PRELID2: variants seen among roughly 807,000 people sequenced by gnomAD.
PRELID2 encodes the protein PRELI domain containing 2.
PRELID2 carries 25 observed loss-of-function variants against 28.4 expected under a neutral mutation model. That is an observed-to-expected ratio of 0.88 (90% CI 0.64 to 1.23). PRELID2 has a LOEUF of 1.23. PRELID2 is among the 50% of genes most tolerant of loss of function. The pLI, the probability that PRELID2 is intolerant of heterozygous loss-of-function variation, is 0.00. For missense variants in PRELID2, 201 were observed against 214.4 expected (o/e 0.94, Z 0.39); for synonymous variants, 76 against 71.6 (o/e 1.06, Z -0.31).
intron 1 of PRELID2, among the ~76,000 whole-genome samples, chr5:145,639,684 G>C (rs932279801): frequency 6.6e-6 from 1 of 152,134 alleles, no homozygotes. Flanking sequence ...CCAATGTTGG[G>C]AAAGTGCGTT....
the PRELID2 span, among the ~76,000 whole-genome samples, chr5:145,434,324 G>A: frequency 1.3e-5 from 2 of 152,208 alleles, no homozygotes; most frequent in African/African-American, 4.8e-5. Context: ...CAATCCATGA[G>A]TATTCATTGA....
At chr5:145,726,385 C>T (rs960622380) in intron 1 of PRELID2, among the ~76,000 whole-genome samples, 1 of 152,098 alleles carries the variant, frequency 6.6e-6, no homozygotes, top group Non-Finnish European at 1.5e-5. Flanking sequence ...CAAGTAAATA[C>T]TCTAAGCAAA....
chr5:145,528,726 CAGAGAGAGAG>C (rs1035893212), intron 1 of PRELID2, among the ~76,000 whole-genome samples: 101 of 53,662 alleles, frequency 1.9e-3, no homozygotes, highest in African/African-American at 6.3e-3. Context: ...CACACACACA[CAGAGAGAGAG>C]AGAGAGAGAG....
chr5:145,266,402 A>T, the PRELID2 span, among the ~76,000 whole-genome samples: 1 of 152,120 alleles, frequency 6.6e-6, no homozygotes, highest in Non-Finnish European at 1.5e-5. Context: ...CAATTCTCAA[A>T]GAAGATATAC....
intron 1 of PRELID2, among the ~76,000 whole-genome samples, chr5:145,692,467 T>C (rs938677187): frequency 1.3e-5 from 2 of 152,126 alleles, no homozygotes; most frequent in African/African-American, 4.8e-5. Context: ...GCTGGAGCCT[T>C]TCTCCAGGAA....
intron 1 of PRELID2, among the ~76,000 whole-genome samples, chr5:145,581,533 TA>T (rs533445020): frequency 6.6e-4 from 101 of 152,222 alleles, no homozygotes; most frequent in African/African-American, 2.4e-3. Context: ...CACAACTGGA[TA>T]CTTGGTGCCT....
chr5:145,509,876 T>C (rs1752445768), intron 1 of PRELID2, among the ~76,000 whole-genome samples: 1 of 152,124 alleles, frequency 6.6e-6, no homozygotes, highest in African/African-American at 2.4e-5. Flanking sequence ...GGAGATAATA[T>C]CTAACCCTTA....
At chr5:145,773,922 T>G (rs912499190) in intron 5 of PRELID2, among the ~76,000 whole-genome samples, 20 of 152,258 alleles carry the variant, frequency 1.3e-4, no homozygotes, top group African/African-American at 4.6e-4. Context: ...CAGATAATTC[T>G]GCTTTTATCT....
chr5:145,803,552 C>T (rs974969506), intron 4 of PRELID2, among the ~76,000 whole-genome samples: 2 of 152,088 alleles, frequency 1.3e-5, no homozygotes, highest in African/African-American at 4.8e-5. Context: ...GTGAAGTTCG[C>T]TCTTCTCTAA....
Position 145,800,554 on chromosome 5 carries a change from C to T in PRELID2, c.369-4007G>A, listed in dbSNP as rs190458389. ...GTCTCACACTCTTGGGAGAGATGAA[C>T]TCTTCAGTCCTCAGTCCTGAAGGCA... On this transcript the variant is annotated intron_variant, in intron 4 of 6. Transcript: ENST00000683046. Among the ~76,000 whole-genome samples the T allele has an allele frequency of 2.4e-3, 362 of 152,278 alleles. 1 individual carries two copies. Among genetic ancestry groups the T allele is most frequent in the African/African-American group, 7.5e-3 (312 of 41,556 alleles).
At chr5:145,484,636 C>A (rs1219504558) in intron 1 of PRELID2, among the ~76,000 whole-genome samples, 2 of 152,182 alleles carry the variant, frequency 1.3e-5, no homozygotes, top group African/African-American at 2.4e-5. Context: ...GACACTTCTA[C>A]CTTTCTTCAC....
At position 145,835,201 on chromosome 5, in the gene PRELID2, C is replaced by G. The variant is rs371461902; in HGVS notation, c.51G>C (p.Gln17His). The G allele has an allele frequency of 5.8e-5, 90 of 1,550,350 alleles. No individual in the cohort carries two copies. Among genetic ancestry groups the G allele is most frequent in the Non-Finnish European group, 7.8e-5 (89 of 1,146,380 alleles). The part of the protein sequence containing the change: ...VHQVYKYPFE[Q>H]VVASFLRKYP... The stretch of plus-strand genomic sequence containing the variant: ...CCTTTCGGAGAAAGCTGGCGACCAC[C>G]TGCTCGAAGGGGTACTTGTACACCT... Residue 17 changes from glutamine to histidine, a missense_variant, in exon 1 of 7, where the codon CAG (glutamine) becomes CAC (histidine). Coordinates refer to ENST00000683046, the MANE Select transcript of PRELID2 (RefSeq NM_205846.3).
At chr5:145,517,323 G>T (rs1404948461) in intron 1 of PRELID2, among the ~76,000 whole-genome samples, 3 of 152,074 alleles carry the variant, frequency 2.0e-5, no homozygotes, top group African/African-American at 7.2e-5. Context: ...ATCAAAATAT[G>T]GGTGAAAGAT....
At chr5:145,340,559 G>A in the PRELID2 span, among the ~76,000 whole-genome samples, 12 of 152,084 alleles carry the variant, frequency 7.9e-5, no homozygotes, top group African/African-American at 2.9e-4. Flanking sequence ...CTTGAGCCCA[G>A]GAGTTCAAGA....
At chr5:145,237,457 G>T in the PRELID2 span, among the ~76,000 whole-genome samples, 1 of 151,938 alleles carries the variant, frequency 6.6e-6, no homozygotes, top group Non-Finnish European at 1.5e-5. Flanking sequence ...TGTCTGGAGC[G>T]CTATGACAAG....
chr5:145,654,823 C>T (rs1204891336), intron 1 of PRELID2, among the ~76,000 whole-genome samples: 1 of 152,144 alleles, frequency 6.6e-6, no homozygotes, highest in Non-Finnish European at 1.5e-5. Flanking sequence ...GAAGCATTCC[C>T]TTTGAAAACT....
At chr5:145,669,427 AC>A (rs1754661837) in intron 1 of PRELID2, among the ~76,000 whole-genome samples, 1 of 152,082 alleles carries the variant, frequency 6.6e-6, no homozygotes, top group Admixed American at 6.6e-5. Context: ...AGTATTATCA[AC>A]CCAGAGACAC....
intron 1 of PRELID2, among the ~76,000 whole-genome samples, chr5:145,611,181 T>C (rs1239956571): frequency 6.6e-6 from 1 of 151,952 alleles, no homozygotes; most frequent in African/African-American, 2.4e-5. Flanking sequence ...AATTTTTTTT[T>C]TATATGGGGT....
At chr5:145,443,124 A>G in the PRELID2 span, among the ~76,000 whole-genome samples, 1 of 152,042 alleles carries the variant, frequency 6.6e-6, no homozygotes, top group South Asian at 2.1e-4. Context: ...ATCCATTCAT[A>G]GGCTCTCTGC....
Sources: gnomAD v4.1 joint callset for allele counts (sites outside exome capture counted in the v4.1 genomes callset) on GRCh38, gnomAD v4.1.1 for gene constraint, MANE v1.5 for transcripts, NCBI Gene and HGNC (gene_info 2026-07-23, HGNC 2026-07-21) for gene names.